IMMP2L: variants seen among roughly 807,000 people sequenced by gnomAD.
IMMP2L encodes the protein inner mitochondrial membrane peptidase subunit 2.
In IMMP2L, 18 loss-of-function variants were observed where a neutral mutation model predicts 19.3. The observed-to-expected ratio is 0.93, with a 90% CI of 0.64 to 1.38. The LOEUF is 1.38. Ranked by LOEUF, IMMP2L falls within the 40% of genes most tolerant of loss-of-function variation. The pLI is 0.00. For missense variants in IMMP2L, 233 were observed against 218.2 expected (o/e 1.07, Z -0.43); for synonymous variants, 76 against 73.0 (o/e 1.04, Z -0.21).
chr7:111,267,745 G>A (rs113309470), intron 3 of IMMP2L, among the ~76,000 whole-genome samples: 6,492 of 151,836 alleles, frequency 0.043, 205 homozygotes, highest in South Asian at 0.082. Context: ...TATTCTCCAG[G>A]GGTAATATTA....
chr7:110,792,053 A>G (rs1003580981), intron 5 of IMMP2L, among the ~76,000 whole-genome samples: 1 of 151,812 alleles, frequency 6.6e-6, no homozygotes, highest in African/African-American at 2.4e-5. Context: ...AATTTTATCT[A>G]CAGTCAGAGA....
At chr7:111,450,861 A>G (rs1489111685) in intron 3 of IMMP2L, among the ~76,000 whole-genome samples, 1 of 150,548 alleles carries the variant, frequency 6.6e-6, no homozygotes, top group African/African-American at 2.4e-5. Flanking sequence ...ACAAATTTAC[A>G]AGAAAAAAAC....
At chr7:110,812,931 T>C (rs1802148782) in intron 5 of IMMP2L, among the ~76,000 whole-genome samples, 1 of 152,044 alleles carries the variant, frequency 6.6e-6, no homozygotes, top group Admixed American at 6.6e-5. Context: ...AAAATATACA[T>C]ACATTCACAC....
intron 3 of IMMP2L, among the ~76,000 whole-genome samples, chr7:111,439,759 T>C (rs1446602271): frequency 1.3e-5 from 2 of 151,924 alleles, no homozygotes; most frequent in Non-Finnish European, 2.9e-5. Flanking sequence ...CAATTGGCTC[T>C]TCTCTTCATG....
chr7:111,397,243 T>A (rs1832970157), intron 3 of IMMP2L, among the ~76,000 whole-genome samples: 1 of 152,162 alleles, frequency 6.6e-6, no homozygotes, highest in African/African-American at 2.4e-5. Context: ...CATCATTTTG[T>A]AACTTGCTTT....
chr7:110,883,021 G>A (rs1203483814), intron 5 of IMMP2L, among the ~76,000 whole-genome samples: 1 of 152,036 alleles, frequency 6.6e-6, no homozygotes, highest in African/African-American at 2.4e-5. Flanking sequence ...AGCTTCGCAT[G>A]ATTTAAAAAC....
intron 3 of IMMP2L, among the ~76,000 whole-genome samples, chr7:111,075,146 A>G (rs1448002906): frequency 3.7e-5 from 2 of 53,518 alleles, no homozygotes; most frequent in Non-Finnish European, 6.9e-5. Flanking sequence ...TTTTTTTTTG[A>G]GATGGAATCT....
intron 2 of IMMP2L, among the ~76,000 whole-genome samples, chr7:111,501,959 T>G (rs1046491491): frequency 5.3e-5 from 8 of 152,024 alleles, no homozygotes; most frequent in Non-Finnish European, 7.4e-5. Context: ...CAGGACCAAA[T>G]TCACACATAA....
intron 4 of IMMP2L, among the ~76,000 whole-genome samples, chr7:110,940,730 A>C (rs1816656005): frequency 6.6e-6 from 1 of 152,220 alleles, no homozygotes; most frequent in Non-Finnish European, 1.5e-5. Context: ...GTAAATCAAT[A>C]ATGAAACAAA....
chr7:111,298,023 T>C (rs1821813150), intron 3 of IMMP2L, among the ~76,000 whole-genome samples: 1 of 152,136 alleles, frequency 6.6e-6, no homozygotes, highest in South Asian at 2.1e-4. Context: ...AAACTCACTA[T>C]ACATTTAAAA....
chr7:110,773,336 G>A (rs1484352616), intron 5 of IMMP2L, among the ~76,000 whole-genome samples: 2 of 152,062 alleles, frequency 1.3e-5, no homozygotes, highest in African/African-American at 2.4e-5. Flanking sequence ...CCTCCTAATT[G>A]GCTGAGACAC....
intron 3 of IMMP2L, among the ~76,000 whole-genome samples, chr7:111,203,469 G>A (rs1424910223): frequency 6.6e-6 from 1 of 151,838 alleles, no homozygotes; most frequent in South Asian, 2.1e-4. Context: ...CTTTAAATAA[G>A]GCAGTCAGAA....
At chr7:111,337,210 A>T (rs1355466267) in intron 3 of IMMP2L, among the ~76,000 whole-genome samples, 1 of 152,096 alleles carries the variant, frequency 6.6e-6, no homozygotes, top group African/African-American at 2.4e-5. Context: ...TTTTTTTAAA[A>T]AAAGCAGAGA....
intron 5 of IMMP2L, among the ~76,000 whole-genome samples, chr7:110,830,574 G>A (rs983285253): frequency 5.9e-5 from 9 of 151,780 alleles, no homozygotes; most frequent in African/African-American, 1.9e-4. Context: ...ATCTTGTACT[G>A]CAAACAAAAA....
At chr7:111,480,400 T>A (rs1210591038) in intron 3 of IMMP2L, among the ~76,000 whole-genome samples, 2 of 152,088 alleles carry the variant, frequency 1.3e-5, no homozygotes, top group East Asian at 3.9e-4. Flanking sequence ...ACTTTTTGTA[T>A]GGCTATGAAC....
chr7:110,780,087 A>T (rs1408178833), intron 5 of IMMP2L, among the ~76,000 whole-genome samples: 1 of 151,802 alleles, frequency 6.6e-6, no homozygotes, highest in Non-Finnish European at 1.5e-5. Flanking sequence ...CATCTTTGAC[A>T]CATGAGTTAT....
At chr7:110,816,465 G>C (rs1347941540) in intron 5 of IMMP2L, among the ~76,000 whole-genome samples, 1 of 151,950 alleles carries the variant, frequency 6.6e-6, no homozygotes, top group Non-Finnish European at 1.5e-5. Context: ...GGAGAGTTCT[G>C]TAGATGTCTA....
At chr7:111,320,757 T>C (rs181012679) in intron 3 of IMMP2L, among the ~76,000 whole-genome samples, 11 of 152,174 alleles carry the variant, frequency 7.2e-5, no homozygotes, top group Admixed American at 2.6e-4. Context: ...CAAGAAAACA[T>C]TGTTAGACTT....
intron 3 of IMMP2L, among the ~76,000 whole-genome samples, chr7:111,265,134 A>G (rs1817696627): frequency 6.6e-6 from 1 of 152,224 alleles, no homozygotes; most frequent in Admixed American, 6.5e-5. Flanking sequence ...TGCTTATTTT[A>G]GCAGAAAACA....
Sources: allele counts gnomAD v4.1 joint callset (sites outside exome capture counted in the v4.1 genomes callset), GRCh38; gene constraint gnomAD v4.1.1; transcripts MANE v1.5; gene names NCBI Gene and HGNC (gene_info 2026-07-23, HGNC 2026-07-21).